Variants in KLRG1 observed in about 807,000 individuals in gnomAD.
KLRG1 encodes killer cell lectin-like receptor subfamily G member 1.
In KLRG1, 16 loss-of-function variants were observed where a neutral mutation model predicts 21.8. The observed-to-expected ratio is 0.73, with a 90% CI of 0.50 to 1.11. KLRG1 has a LOEUF of 1.11. Ranked by LOEUF, KLRG1 falls within the 50% of genes most tolerant of loss-of-function variation. The probability of loss-of-function intolerance (pLI) is 0.00; values close to 1 mark genes in which losing one functional copy is unlikely to be tolerated. For synonymous variants in KLRG1, 69 were observed against 75.9 expected (o/e 0.91, Z 0.47); for missense variants, 173 against 218.3 (o/e 0.79, Z 1.31).
chr12:9,101,704 T>C, the KLRG1 span: 1 of 1,495,582 alleles, frequency 6.7e-7, no homozygotes, highest in Non-Finnish European at 9.2e-7. Context: ...ATATTATTTT[T>C]AGATTATACG....
At chr12:9,100,115 T>C in the KLRG1 span, among the ~76,000 whole-genome samples, 1 of 152,174 alleles carries the variant, frequency 6.6e-6, no homozygotes, top group African/African-American at 2.4e-5. Context: ...CCTTCAAAGG[T>C]TTATATTATG....
At chr12:9,173,597 G>GA in the KLRG1 span, among the ~76,000 whole-genome samples, 19 of 151,730 alleles carry the variant, frequency 1.3e-4, no homozygotes, top group African/African-American at 2.7e-4. Context: ...TAATAAAGAA[G>GA]AAAAAAAGAA....
intron 4 of KLRG1, among the ~76,000 whole-genome samples, 162 bp downstream of exon 4, chr12:9,009,237 CAA>C (rs112576720): frequency 5.5e-4 from 59 of 107,810 alleles, no homozygotes; most frequent in Non-Finnish European, 6.0e-4. Flanking sequence ...TGGGTAAGGG[CAA>C]AAAAAAAAAA....
chr12:8,983,590 G>T (rs147944394), intron 1 of KLRG1, among the ~76,000 whole-genome samples: 12,841 of 151,382 alleles, frequency 0.085, 1,022 homozygotes, highest in African/African-American at 0.21. Flanking sequence ...TAGTAGAGAC[G>T]GGGTTTCACC....
chr12:9,185,083 G>A, the KLRG1 span, among the ~76,000 whole-genome samples: 1 of 152,220 alleles, frequency 6.6e-6, no homozygotes, highest in Admixed American at 6.5e-5. Flanking sequence ...GGGCTGAGAT[G>A]GCTGAAATGA....
the KLRG1 span, among the ~76,000 whole-genome samples, chr12:9,188,015 C>A: frequency 8.5e-5 from 13 of 152,188 alleles, no homozygotes; most frequent in Admixed American, 8.5e-4. Context: ...AAGTGGGACT[C>A]ACATAAAAAA....
chr12:9,160,864 G>A, the KLRG1 span, among the ~76,000 whole-genome samples: 1 of 151,298 alleles, frequency 6.6e-6, no homozygotes, highest in Non-Finnish European at 1.5e-5. Context: ...GCAGTGAGCC[G>A]AGATCACGTC....
the KLRG1 span, chr12:9,106,480 A>G: frequency 2.6e-6 from 4 of 1,537,988 alleles, no homozygotes; most frequent in East Asian, 9.1e-5. Flanking sequence ...ATACCCATGT[A>G]GTACACAAAC....
chr12:9,063,996 G>T, the KLRG1 span, among the ~76,000 whole-genome samples: 15 of 152,248 alleles, frequency 9.9e-5, no homozygotes, highest in Non-Finnish European at 1.8e-4. Flanking sequence ...TTATAATCCT[G>T]TTGTCTTGTT....
the KLRG1 span, chr12:9,074,673 C>T: frequency 5.6e-6 from 9 of 1,613,794 alleles, no homozygotes; most frequent in Middle Eastern, 1.6e-4. Flanking sequence ...GTGAGATAAG[C>T]GAGGAGCACA....
At chr12:9,203,055 G>T in the KLRG1 span, among the ~76,000 whole-genome samples, 5 of 152,042 alleles carry the variant, frequency 3.3e-5, no homozygotes, top group Admixed American at 3.3e-4. Flanking sequence ...GTTTGCTTAG[G>T]GTATCCTGCA....
chr12:9,058,536 T>C, the KLRG1 span: 1 of 152,186 alleles, frequency 6.6e-6, no homozygotes, highest in East Asian at 1.9e-4. Flanking sequence ...TGTTTTAATA[T>C]AAACATATAA....
chr12:9,163,815 G>T, the KLRG1 span: 2 of 1,605,516 alleles, frequency 1.2e-6, no homozygotes, highest in South Asian at 1.1e-5. Flanking sequence ...TTGAAAACAT[G>T]AGTATCCACT....
the KLRG1 span, chr12:9,156,260 C>T: frequency 3.4e-5 from 7 of 207,542 alleles, no homozygotes; most frequent in East Asian, 7.9e-4. Flanking sequence ...AGTACCTTCG[C>T]TTTGGGAAAC....
At chr12:9,214,749 A>C in the KLRG1 span, among the ~76,000 whole-genome samples, 1 of 151,912 alleles carries the variant, frequency 6.6e-6, no homozygotes, top group South Asian at 2.1e-4. Flanking sequence ...TTGACTTTAC[A>C]GTTATGTTAC....
At chr12:8,953,253 G>A (rs1946235933) in intron 1 of KLRG1, among the ~76,000 whole-genome samples, 1 of 152,172 alleles carries the variant, frequency 6.6e-6, no homozygotes, top group African/African-American at 2.4e-5. Flanking sequence ...AGGTGGAGGT[G>A]GTCCCCCACC....
chr12:9,095,048 G>T, the KLRG1 span: 1 of 1,594,494 alleles, frequency 6.3e-7, no homozygotes, highest in Non-Finnish European at 8.6e-7. Context: ...TTGGGTTTAC[G>T]AATCTTTGAG....
At chr12:8,975,493 G>A (rs190439981) in intron 1 of KLRG1, among the ~76,000 whole-genome samples, 72 of 152,134 alleles carry the variant, frequency 4.7e-4, no homozygotes, top group East Asian at 1.7e-3. Flanking sequence ...TATTTCTGAA[G>A]CATTCATTGT....
At chr12:9,021,989 A>G in the KLRG1 span, among the ~76,000 whole-genome samples, 2 of 152,200 alleles carry the variant, frequency 1.3e-5, no homozygotes, top group Non-Finnish European at 2.9e-5. Context: ...GCTGGGTGCC[A>G]TGGCATGTGC....
Sources: gnomAD v4.1 joint callset for allele counts (sites outside exome capture counted in the v4.1 genomes callset) on GRCh38, gnomAD v4.1.1 for gene constraint, MANE v1.5 for transcripts, NCBI Gene and HGNC (gene_info 2026-07-23, HGNC 2026-07-21) for gene names.